PLD2: variants seen among roughly 807,000 people sequenced by gnomAD.
PLD2 encodes phospholipase D2, also known as choline phosphatase 2.
In PLD2, 101 loss-of-function variants were observed where a neutral mutation model predicts 119.8. That is an observed-to-expected ratio of 0.84 (90% CI 0.72 to 0.99). The LOEUF is 0.99. Among genes scored for constraint, PLD2 ranks in the 50% least tolerant of loss-of-function variants. The pLI, the probability that PLD2 is intolerant of heterozygous loss-of-function variation, is 0.00. For synonymous variants in PLD2, 494 were observed against 482.8 expected, an observed-to-expected ratio of 1.02 and a Z score of -0.30; for missense variants, 1,164 against 1,226.8, an observed-to-expected ratio of 0.95 and a Z score of 0.76.
chr17:4,808,429 G>C lies in PLD2; in HGVS notation c.383+13G>C, dbSNP rs199612926. The C allele has an allele frequency of 2.5e-6, 4 of 1,612,004 alleles. No homozygotes were observed. Among genetic ancestry groups the C allele is most frequent in the Admixed American group, 1.7e-5 (1 of 59,858 alleles). The stretch of plus-strand genomic sequence containing the variant: ...TCCCTCTGGCTCGGTGAGGGCGACC[G>C]GACTGCTTCCTGTAGAGGGCAGGTG... On this transcript the variant is annotated intron_variant, in intron 4 of 24. Coordinates refer to ENST00000263088, the MANE Select transcript of PLD2 (RefSeq NM_002663.5). The surrounding 1 kb of genome is among the most constrained non-coding windows in gnomAD (Gnocchi z 4.1).
rs1281652544 is a variant in PLD2, at chr17:4,810,818, T to C, written c.877T>C (p.Cys293Arg). Reference sequence around the variant, plus strand: ...CCCATCCAGGTCCTTGATTCTCAAGTGCAGCAGCTACCGGCAGGCACGGTG... The same window carrying C: ...CCCATCCAGGTCCTTGATTCTCAAGCGCAGCAGCTACCGGCAGGCACGGTG... ...DTSHRSLILK[C>R]SSYRQARWWA... The change falls in exon 10 of 25, where the codon TGC (cysteine) becomes CGC (arginine). Residue 293 changes from cysteine (C) to arginine (R), a missense_variant. Transcript: ENST00000263088. The C allele has an allele frequency of 6.2e-7, 1 of 1,612,876 alleles. No homozygotes were observed.
intron 23 of PLD2, among the ~76,000 whole-genome samples, chr17:4,820,261 TTTGTTGTTG>T (rs35037094): frequency 2.0e-5 from 3 of 148,088 alleles, no homozygotes; most frequent in South Asian, 2.2e-4. Context: ...AGAAATCTTT[TTTGTTGTTG>T]TTGTTGTTGT....
chr17:4,819,234 A>C lies in PLD2; in HGVS notation c.2308+16A>C. 6.2e-7 allele frequency: 1 copy of C among 1,613,518 alleles called. No individual in the cohort carries two copies. Among genetic ancestry groups the C allele is most frequent in the South Asian group, 1.1e-5 (1 of 91,078 alleles). On this transcript the variant is annotated intron_variant, in intron 22 of 24. Transcript: ENST00000263088. The surrounding 1 kb of genome is among the most constrained non-coding windows in gnomAD (Gnocchi z 4.2). ...GTCATCATTGGTCAGTGCCGGATCTAGTCCTCTGGCAGGGAGAGGGTGTGG... is the reference window on the plus strand; with the variant it reads ...GTCATCATTGGTCAGTGCCGGATCTCGTCCTCTGGCAGGGAGAGGGTGTGG...
rs1906996502 is a variant in PLD2, at chr17:4,816,602, G to T, written c.1456-18G>T. ...ATGACTTCCCCTTGCCCCTGGCTTG[G>T]GTGTGTTCCCCCTACAGCCTCCCAC... On this transcript the variant is annotated intron_variant, in intron 14 of 24. Transcript: ENST00000263088. 1 of 1,613,048 alleles carries T rather than the reference G, an allele frequency of 6.2e-7. No homozygotes were observed. Among genetic ancestry groups the T allele is most frequent in the South Asian group, 1.1e-5 (1 of 91,054 alleles).
At position 4,817,008 on chromosome 17, in the gene PLD2, G is replaced by T; in HGVS notation, c.1654G>T (p.Ala552Ser). 6.2e-7 allele frequency: 1 copy of T among 1,613,866 alleles called. No homozygotes were observed. Among genetic ancestry groups the T allele is most frequent in the Admixed American group, 1.7e-5 (1 of 59,994 alleles). The change falls in exon 16 of 25, where the codon GCC (alanine) becomes TCC (serine). Residue 552 changes from alanine (A) to serine (S), a missense_variant. Transcript: ENST00000263088. ...DVGVVVHGLP[A>S]RDLARHFIQR... ...TGGGGTGGTCGTCCATGGCCTACCG[G>T]CCCGGGACCTTGCCCGGCACTTCAT...
Position 4,816,195 on chromosome 17 carries a change from G to A in PLD2, c.1455+261G>A, listed in dbSNP as rs543446161. On this transcript the variant is annotated intron_variant, in intron 14 of 24. Coordinates refer to ENST00000263088, the MANE Select transcript of PLD2 (RefSeq NM_002663.5). ...TCTGGAGTTCGAGACCAGCCTGACC[G>A]ACATGGTGAAACCCTGTCTCTACTA... is the stretch of plus-strand genomic sequence containing the variant. Among the ~76,000 whole-genome samples, 16 of 152,124 alleles carry A rather than the reference G, an allele frequency of 1.1e-4. No individual in the cohort carries two copies. In the East Asian group the frequency reaches 1.4e-3, roughly 13 times the overall value.
chr17:4,810,095 T>C, intron 9 of PLD2, 66 bp downstream of exon 9: 1 of 1,536,294 alleles, frequency 6.5e-7, no homozygotes, highest in Non-Finnish European at 8.9e-7. Context: ...TTGCTGGGAG[T>C]TGAGAAAGAG....
intron 10 of PLD2, among the ~76,000 whole-genome samples, chr17:4,813,625 C>T (rs987532445): frequency 1.3e-5 from 2 of 152,096 alleles, no homozygotes; most frequent in African/African-American, 4.8e-5. Context: ...TTTGGGAGGC[C>T]GAGGCGGGTA....
chr17:4,821,302 C>G (rs970838630), intron 23 of PLD2, among the ~76,000 whole-genome samples: 7 of 152,080 alleles, frequency 4.6e-5, no homozygotes, highest in African/African-American at 1.4e-4. Context: ...TTTTTTAAAG[C>G]ATCAAGGTAG....
rs201516383 is a variant in PLD2 at position 4,818,327 on chromosome 17, C to T, written c.1951C>T (p.Arg651Trp). 26 of 1,614,034 alleles carry T rather than the reference C, an allele frequency of 1.6e-5. No homozygotes were observed. The East Asian group carries it at 3.6e-4, about 22-fold the overall frequency. The change falls in exon 19 of 25, where the codon CGG becomes TGG. Residue 651 changes from arginine to tryptophan, a missense_variant. Physicochemically the swap from Arg to Trp is moderately radical, Grantham distance 101 (BLOSUM62 -3). Transcript: ENST00000263088. ...NQFFISCSDGRTVLNKVGDEI... is the reference protein window; with the variant it reads ...NQFFISCSDGWTVLNKVGDEI... ...GTTCTTCATTAGCTGCTCAGATGGG[C>T]GGACGGTTCTGAACAAGGTGGGCGA... is the stretch of plus-strand genomic sequence containing the variant.
intron 10 of PLD2, among the ~76,000 whole-genome samples, chr17:4,811,525 G>T (rs537598458): frequency 6.6e-6 from 1 of 152,044 alleles, no homozygotes; most frequent in Admixed American, 6.5e-5. Context: ...TGATCCGCCC[G>T]CCTCGGCCTC....
At position 4,818,556 on chromosome 17, in the gene PLD2, T is replaced by A. The variant is rs760527866; in HGVS notation, c.2072T>A (p.Ile691Asn). ...LPLLPGFEGD[I>N]STGGGNSIQA... ...TTACTCCCTGGCTTCGAGGGTGACA[T>A]CTCCACGGGCGGTGGCAACTCCATC... Residue 691 changes from isoleucine to asparagine, a missense_variant, in exon 20 of 25, where the codon ATC becomes AAC. Ile to Asn is a moderately radical substitution (Grantham distance 149). Transcript: ENST00000263088. The A allele has an allele frequency of 6.2e-7, 1 of 1,613,878 alleles. No individual in the cohort carries two copies. Among genetic ancestry groups the A allele is most frequent in the Non-Finnish European group, 8.5e-7 (1 of 1,179,942 alleles).
At chr17:4,816,478 G>C (rs552127609) in intron 14 of PLD2, 142 bp from the exon 15 acceptor site, 1 of 860,640 alleles carries the variant, frequency 1.2e-6, no homozygotes. Flanking sequence ...GGCAACTGGA[G>C]GGGAGGGCTG....
Position 4,822,776 on chromosome 17 carries a change from AC to A in PLD2, c.2715del (p.Phe906SerfsTer6), listed in dbSNP as rs1567538756. 6.2e-7 allele frequency: 1 copy of A among 1,613,728 alleles called. No homozygotes were observed. Among genetic ancestry groups the A allele is most frequent in the East Asian group, 2.2e-5 (1 of 44,876 alleles). ...ELTQVQGHLVHFPLKFLEDES... is the reference protein window; with the variant it reads ...ELTQVQGHLVXFPLKFLEDES... Reference sequence around the variant, plus strand: ...ACCCAGGTCCAGGGCCACCTGGTCCACTTCCCCCTCAAGTTCCTAGAGGATG... The same window carrying A: ...ACCCAGGTCCAGGGCCACCTGGTCCATTCCCCCTCAAGTTCCTAGAGGATG... On this transcript the variant is annotated frameshift_variant, in exon 25 of 25. Coordinates refer to ENST00000263088, the MANE Select transcript of PLD2 (RefSeq NM_002663.5). LOFTEE classifies it high-confidence loss of function.
chr17:4,818,452 T>C (rs758786509), intron 19 of PLD2, 42 bp from the exon 20 acceptor site: 14 of 1,597,756 alleles, frequency 8.8e-6, no homozygotes, highest in Non-Finnish European at 1.1e-5. Flanking sequence ...GGGGGTGGGG[T>C]TTGAGGGACC....
Position 4,807,709 on chromosome 17 carries a change from G to C in PLD2, c.-1-63G>C. ...TGGAAGAGATGGAGGACCTGCGGGA[G>C]TTAGGATGGGGGGCGGGTTCTGCAG... On this transcript the variant is annotated intron_variant, in intron 1 of 24. Coordinates refer to ENST00000263088, the MANE Select transcript of PLD2 (RefSeq NM_002663.5). This position sits in a 1 kb window ranked among gnomAD's most constrained non-coding sequence, Gnocchi z 5.4. The C allele has an allele frequency of 1.1e-6, 1 of 905,332 alleles. No individual in the cohort carries two copies. Among genetic ancestry groups the C allele is most frequent in the Non-Finnish European group, 1.8e-6 (1 of 564,468 alleles). The allele number at this position is 905,332 out of a possible 1,614,324, so 56.1% of individuals were successfully genotyped here. A position where few individuals can be genotyped will look rare whatever the true frequency, so the allele number is the denominator to read the frequency against.
intron 20 of PLD2, 54 bp downstream of exon 20, chr17:4,818,661 C>G: frequency 3.2e-6 from 5 of 1,552,778 alleles, no homozygotes; most frequent in Non-Finnish European, 4.4e-6. Context: ...CCCGTGTCCC[C>G]CTCCTGATTC....
chr17:4,819,456 T>C lies in PLD2; in HGVS notation c.2336T>C (p.Leu779Ser). 1 of 1,613,934 alleles carries C rather than the reference T, an allele frequency of 6.2e-7. No homozygotes were observed. The highest frequency in any genetic ancestry group is 1.1e-5 in the South Asian group (1 of 91,046). The stretch of plus-strand genomic sequence containing the variant: ...TCTGCAAACATCAATGACCGGAGCT[T>C]GCTGGGGAAGCGGGACAGTGAGCTG... Reference protein sequence around the residue: ...IGSANINDRSLLGKRDSELAV... With the variant: ...IGSANINDRSSLGKRDSELAV... Residue 779 changes from leucine to serine, a missense_variant, in exon 23 of 25, where the codon TTG becomes TCG. Leu to Ser is a moderately radical substitution (Grantham distance 145). Coordinates refer to ENST00000263088, the MANE Select transcript of PLD2 (RefSeq NM_002663.5). This position sits in a 1 kb window ranked among gnomAD's most constrained non-coding sequence, Gnocchi z 4.2.
intron 9 of PLD2, 75 bp from the exon 10 acceptor site, chr17:4,810,727 G>GAAAT (rs1906369619): frequency 7.4e-7 from 1 of 1,357,118 alleles, no homozygotes; most frequent in Admixed American, 2.8e-5. Flanking sequence ...GAGGAAGTGG[G>GAAAT]AAAGGGGAGG....
Sources: gnomAD v4.1 joint callset for allele counts (sites outside exome capture counted in the v4.1 genomes callset) on GRCh38, gnomAD v4.1.1 for gene constraint, Gnocchi (gnomAD v3.1) non-coding constraint, MANE v1.5 for transcripts, NCBI Gene and HGNC (gene_info 2026-07-23, HGNC 2026-07-21) for gene names.